The following FRMD4A variants were observed in gnomAD, a reference collection of about 807,000 sequenced individuals.
The protein encoded by FRMD4A is FERM domain containing 4A.
In FRMD4A, 29 loss-of-function variants were observed where a neutral mutation model predicts 129.1. That is an observed-to-expected ratio of 0.22 (90% confidence interval 0.17 to 0.31). The LOEUF is 0.31. Ranked by LOEUF, FRMD4A falls within the 10% of genes least tolerant of loss-of-function variation. FRMD4A has a pLI of 1.00. For synonymous variants in FRMD4A, 634 were observed against 571.6 expected (o/e 1.11, Z -1.56); for missense variants, 1,272 against 1,375.8 (o/e 0.92, Z 1.19).
chr10:14,271,712 C>A (rs114134971), intron 2 of FRMD4A, among the ~76,000 whole-genome samples: 55 of 152,274 alleles, frequency 3.6e-4, no homozygotes, highest in African/African-American at 1.3e-3. Flanking sequence ...CATTAAATAT[C>A]TTTCTTATTT....
intron 2 of FRMD4A, among the ~76,000 whole-genome samples, chr10:13,899,834 G>C (rs1005752088): frequency 1.3e-5 from 2 of 152,118 alleles, no homozygotes; most frequent in Admixed American, 1.3e-4. Flanking sequence ...GAATTACTTT[G>C]TATTCACTAT....
intron 1 of FRMD4A, 21 bp downstream of exon 1, chr10:14,330,576 A>T: frequency 2.5e-6 from 1 of 404,612 alleles, no homozygotes; most frequent in Non-Finnish European, 4.3e-6. Flanking sequence ...CTGCATAAAC[A>T]TGCTGAATGT....
intron 2 of FRMD4A, among the ~76,000 whole-genome samples, chr10:14,270,591 G>T (rs1159585380): frequency 2.0e-5 from 3 of 152,120 alleles, no homozygotes; most frequent in African/African-American, 7.2e-5. Flanking sequence ...ATCCATTATT[G>T]CTATTAATCA....
chr10:14,189,125 T>C (rs1842238441), intron 2 of FRMD4A, among the ~76,000 whole-genome samples: 3 of 152,150 alleles, frequency 2.0e-5, no homozygotes, highest in Admixed American at 6.5e-5. Context: ...CTATAGACAG[T>C]GAGAGCTTAA....
chr10:13,698,106 C>G (rs1046828886), intron 14 of FRMD4A, among the ~76,000 whole-genome samples: 2 of 80,816 alleles, frequency 2.5e-5, no homozygotes, highest in South Asian at 3.1e-4. Context: ...GAGGGAGAGA[C>G]AGGCAGAGAG....
intron 2 of FRMD4A, chr10:13,890,832 A>G (rs890808014): frequency 4.1e-6 from 4 of 985,192 alleles, no homozygotes; most frequent in African/African-American, 3.5e-5. Flanking sequence ...GAGGATGTCT[A>G]TTAAGAAGCC....
At chr10:13,818,113 T>G (rs937179425) in intron 3 of FRMD4A, among the ~76,000 whole-genome samples, 3 of 152,162 alleles carry the variant, frequency 2.0e-5, no homozygotes, top group Non-Finnish European at 4.4e-5. Context: ...TGTACAATGA[T>G]GGACTACTGT....
chr10:13,954,518 T>C (rs11258748), intron 2 of FRMD4A, among the ~76,000 whole-genome samples: 2 of 152,202 alleles, frequency 1.3e-5, no homozygotes, highest in East Asian at 3.9e-4. Flanking sequence ...CACATGGGAA[T>C]TGTGGGAGCT....
At chr10:14,227,588 C>T (rs1843488996) in intron 2 of FRMD4A, among the ~76,000 whole-genome samples, 1 of 152,122 alleles carries the variant, frequency 6.6e-6, no homozygotes, top group Non-Finnish European at 1.5e-5. Context: ...TTCCTATGCT[C>T]TCAGCTTGAG....
intron 2 of FRMD4A, among the ~76,000 whole-genome samples, chr10:14,032,589 A>G (rs1017346335): frequency 7.2e-5 from 11 of 152,182 alleles, no homozygotes; most frequent in African/African-American, 2.4e-4. Context: ...CCTGGGAACT[A>G]CGTTGCCACC....
intron 2 of FRMD4A, among the ~76,000 whole-genome samples, chr10:14,188,737 C>A (rs1842225500): frequency 6.6e-6 from 1 of 152,128 alleles, no homozygotes; most frequent in African/African-American, 2.4e-5. Flanking sequence ...AGACCCCGTC[C>A]CTACGAAAAA....
intron 4 of FRMD4A, among the ~76,000 whole-genome samples, chr10:13,803,939 T>C (rs2093310570): frequency 6.6e-6 from 1 of 152,152 alleles, no homozygotes; most frequent in South Asian, 2.1e-4. Flanking sequence ...CCTCCGGTCA[T>C]TTGCATTGGG....
At chr10:14,069,576 T>A (rs749862866) in intron 2 of FRMD4A, among the ~76,000 whole-genome samples, 2 of 152,200 alleles carry the variant, frequency 1.3e-5, no homozygotes, top group African/African-American at 4.8e-5. Flanking sequence ...AAGAACAATT[T>A]AAGGGGATTT....
intron 2 of FRMD4A, among the ~76,000 whole-genome samples, chr10:14,207,320 T>C (rs1842811567): frequency 6.6e-6 from 1 of 152,096 alleles, no homozygotes; most frequent in African/African-American, 2.4e-5. Context: ...GGTGATGGTT[T>C]CGGGATGATT....
rs772244528 is a variant in FRMD4A at position 14,034,977 on chromosome 10, C to T, written c.46-176065G>A. On this transcript the variant is annotated intron_variant, in intron 2 of 24. Coordinates refer to ENST00000357447, the MANE Select transcript of FRMD4A (RefSeq NM_018027.5). The stretch of plus-strand genomic sequence containing the variant: ...TCAGTCTCCCTGGGTTCAGTTTCCT[C>T]ATGTGTCAAATTCCCAGCTTAACTA... 2.4e-4 allele frequency among the ~76,000 whole-genome samples: 37 copies of T among 152,292 alleles called. 2 individuals carry two copies. The highest frequency in any genetic ancestry group is 2.3e-3 in the South Asian group (11 of 4,826).
At chr10:14,134,443 T>C (rs1839427937) in intron 2 of FRMD4A, among the ~76,000 whole-genome samples, 3 of 141,992 alleles carry the variant, frequency 2.1e-5, no homozygotes, top group East Asian at 2.1e-4. Context: ...TGGATAGATA[T>C]GTGGATGGAT....
intron 2 of FRMD4A, among the ~76,000 whole-genome samples, chr10:14,065,218 C>T (rs951737428): frequency 3.9e-5 from 6 of 152,072 alleles, no homozygotes; most frequent in African/African-American, 1.2e-4. Context: ...GGATCTCGCT[C>T]TGTCACCCAG....
At chr10:13,910,089 G>A (rs2094926212) in intron 2 of FRMD4A, among the ~76,000 whole-genome samples, 1 of 152,186 alleles carries the variant, frequency 6.6e-6, no homozygotes, top group African/African-American at 2.4e-5. Flanking sequence ...GCTTTGTAAT[G>A]TGACTGTGAA....
At chr10:14,096,690 A>G (rs1836979931) in intron 2 of FRMD4A, among the ~76,000 whole-genome samples, 1 of 152,246 alleles carries the variant, frequency 6.6e-6, no homozygotes, top group Non-Finnish European at 1.5e-5. Flanking sequence ...ATAAGTGGGC[A>G]GATCTGAACT....
Sources: gnomAD v4.1 joint callset for allele counts (sites outside exome capture counted in the v4.1 genomes callset) on GRCh38, gnomAD v4.1.1 for gene constraint, MANE v1.5 for transcripts, NCBI Gene and HGNC (gene_info 2026-07-23, HGNC 2026-07-21) for gene names.